NEMF: variants seen among roughly 807,000 people sequenced by gnomAD.
The protein encoded by NEMF is nuclear export mediator factor, also known as ribosome quality control complex subunit NEMF.
NEMF carries 89 observed loss-of-function variants against 162.2 expected under a neutral mutation model. That is an observed-to-expected ratio of 0.55 (90% CI 0.46 to 0.65). NEMF has a LOEUF of 0.65. Among genes scored for constraint, NEMF ranks in the 30% least tolerant of loss-of-function variants. The probability of loss-of-function intolerance (pLI) is 0.00; values close to 1 mark genes in which losing one functional copy is unlikely to be tolerated. For synonymous variants in NEMF, 421 were observed against 404.5 expected (o/e 1.04, Z -0.49); for missense variants, 1,133 against 1,261.9 (o/e 0.90, Z 1.55).
intron 14 of NEMF, 96 bp from the exon 15 acceptor site, chr14:49,828,450 C>T (rs1892470296): frequency 1.0e-6 from 1 of 980,056 alleles, no homozygotes; most frequent in Non-Finnish European, 1.5e-6. Context: ...TTATACAGAA[C>T]AAATCAGAAC....
In NEMF at chr14:49,831,330, C is replaced by T. The variant is rs766434258; in HGVS notation, c.914G>A (p.Gly305Asp). 28 of 1,602,704 alleles carry T rather than the reference C, an allele frequency of 1.7e-5. No individual in the cohort carries two copies. The Admixed American group carries it at 4.7e-4, about 27-fold the overall frequency. The change falls in exon 11 of 33, where the codon GGC becomes GAC. Residue 305 changes from glycine to aspartate, a missense_variant. Around this residue, in one of 3 missense-constraint regions of NEMF, gnomAD observed 582 missense variants for 631.5 expected, o/e 0.92. Coordinates refer to ENST00000298310, the MANE Select transcript of NEMF (RefSeq NM_004713.6). ...TAAAGCTTTTAAGTCAATTTTCTGG[C>T]CTTCTATCTTGGAATAAAATTCATC... The part of the protein sequence containing the change: ...AVDEFYSKIE[G>D]QKIDLKALQQ...
intron 19 of NEMF, among the ~76,000 whole-genome samples, chr14:49,803,971 C>T (rs1445501660): frequency 6.6e-6 from 1 of 151,086 alleles, no homozygotes; most frequent in Non-Finnish European, 1.5e-5. Context: ...AAATAAAATC[C>T]TTGTCTAAGA....
At chr14:49,824,998 A>G (rs569884196) in intron 16 of NEMF, among the ~76,000 whole-genome samples, 1 of 152,366 alleles carries the variant, frequency 6.6e-6, no homozygotes, top group East Asian at 1.9e-4. Context: ...TACTGATTGA[A>G]TTCCAATGTG....
At chr14:49,789,103 A>T (rs779926377) in intron 28 of NEMF, 43 bp downstream of exon 28, 1 of 1,519,042 alleles carries the variant, frequency 6.6e-7, no homozygotes, top group South Asian at 1.1e-5. Context: ...CAGGATGGGT[A>T]ATCACCCTAA....
chr14:49,843,622 C>A (rs1893323790), intron 4 of NEMF, among the ~76,000 whole-genome samples: 1 of 152,236 alleles, frequency 6.6e-6, no homozygotes, highest in Admixed American at 6.5e-5. Flanking sequence ...AGTATACTTA[C>A]ACAAACCTAG....
chr14:49,782,831 C>G lies in NEMF; in HGVS notation c.*1805G>C. ...TTCTCTTTCCTTGTCCACTTTCAGG[C>G]TAAGCTTAGAAGCAGTCATTTGCTT... On this transcript the variant is annotated 3_prime_UTR_variant, in exon 33 of 33. Coordinates refer to ENST00000298310, the MANE Select transcript of NEMF (RefSeq NM_004713.6). The G allele has an allele frequency of 6.2e-7, 1 of 1,611,994 alleles. No individual in the cohort carries two copies. Among genetic ancestry groups the G allele is most frequent in the South Asian group, 1.1e-5 (1 of 90,450 alleles).
At chr14:49,832,719 A>G (rs1291205635) in intron 8 of NEMF, among the ~76,000 whole-genome samples, 1 of 152,208 alleles carries the variant, frequency 6.6e-6, no homozygotes, top group Admixed American at 6.5e-5. Flanking sequence ...TTCTATAAAT[A>G]GTTATGCTTT....
intron 16 of NEMF, chr14:49,820,549 A>C (rs1029914483): frequency 2.2e-6 from 1 of 454,926 alleles, no homozygotes; most frequent in Non-Finnish European, 4.4e-6. Flanking sequence ...AGGGTGGATC[A>C]CTTGAGGTCA....
intron 8 of NEMF, among the ~76,000 whole-genome samples, chr14:49,833,046 A>C (rs982143289): frequency 6.6e-6 from 1 of 152,178 alleles, no homozygotes; most frequent in Non-Finnish European, 1.5e-5. Context: ...CAGGCGGATC[A>C]CTTGAGGTCA....
At position 49,795,802 on chromosome 14, in the gene NEMF, GT is replaced by G; in HGVS notation, c.2607del (p.Lys869AsnfsTer8). The part of the protein sequence containing the change: ...SKNVAAVQPM[K>X]RGQKSKMKKM... Reference sequence around the variant, plus strand: ...ATCCTGAAGTTTACCTTTTGTCCTCGTTTCATTGGCTGCACAGCCGCAACAT... The same window carrying G: ...ATCCTGAAGTTTACCTTTTGTCCTCGTTCATTGGCTGCACAGCCGCAACAT... On this transcript the variant is annotated frameshift_variant, in exon 26 of 33. Transcript: ENST00000298310. LOFTEE classifies it high-confidence loss of function. The G allele has an allele frequency of 6.2e-7, 1 of 1,610,304 alleles. No homozygotes were observed. The highest frequency in any genetic ancestry group is 1.1e-5 in the South Asian group (1 of 90,054).
At chr14:49,824,930 A>T (rs1376819750) in intron 16 of NEMF, among the ~76,000 whole-genome samples, 1 of 152,250 alleles carries the variant, frequency 6.6e-6, no homozygotes, top group Non-Finnish European at 1.5e-5. Flanking sequence ...GAGAGAACCA[A>T]TATAAAATTA....
Position 49,851,992 on chromosome 14 carries a change from G to A in NEMF, c.60-117C>T, listed in dbSNP as rs1233044928. 23 of 630,420 alleles carry A rather than the reference G, an allele frequency of 3.6e-5. No homozygotes were observed. In the Admixed American group the frequency reaches 7.8e-4, roughly 21 times the overall value. The allele number at this position is 630,420 out of a possible 1,614,324, so 39.1% of individuals were successfully genotyped here. ...CTCAGTCTCTAAGGATATGGAGTCAGCCGAGGAGCAGAGTCTGAAAGCCAT... is the reference window on the plus strand; with the variant it reads ...CTCAGTCTCTAAGGATATGGAGTCAACCGAGGAGCAGAGTCTGAAAGCCAT... On this transcript the variant is annotated intron_variant, in intron 1 of 32. Transcript: ENST00000298310.
chr14:49,845,867 A>G, intron 4 of NEMF: 1 of 486,460 alleles, frequency 2.1e-6, no homozygotes, highest in East Asian at 3.2e-5. Context: ...TTAGTCCTGA[A>G]ATGTCAAGTA....
chr14:49,822,181 A>AAC (rs1892100127), intron 16 of NEMF, among the ~76,000 whole-genome samples: 1 of 152,006 alleles, frequency 6.6e-6, no homozygotes, highest in African/African-American at 2.4e-5. Flanking sequence ...CTGCCTAGGA[A>AAC]AACCAGAGAC....
At chr14:49,800,840 T>TACTC in intron 22 of NEMF, 144 bp from the exon 23 acceptor site, 1 of 704,776 alleles carries the variant, frequency 1.4e-6, no homozygotes, top group South Asian at 1.9e-5. Flanking sequence ...TCCCAAAGGG[T>TACTC]ACTCTTAGAC....
intron 28 of NEMF, among the ~76,000 whole-genome samples, chr14:49,788,636 C>T (rs1377046073): frequency 2.0e-5 from 3 of 149,192 alleles, no homozygotes; most frequent in Non-Finnish European, 3.0e-5. Context: ...CGGCTCACTG[C>T]AAGCTCTGCC....
chr14:49,834,182 C>A, intron 7 of NEMF, 181 bp downstream of exon 7: 1 of 593,670 alleles, frequency 1.7e-6, no homozygotes, highest in South Asian at 1.8e-5. Context: ...CCTCAAACAC[C>A]CAGGCTTAAG....
At chr14:49,847,016 G>A (rs1893536200) in intron 3 of NEMF, among the ~76,000 whole-genome samples, 1 of 151,902 alleles carries the variant, frequency 6.6e-6, no homozygotes, top group African/African-American at 2.4e-5. Context: ...CTCCTGAGTA[G>A]CTGAAATTAC....
intron 25 of NEMF, chr14:49,797,332 TA>T (rs749900237): frequency 5.6e-3 from 776 of 138,914 alleles, no homozygotes; most frequent in Admixed American, 7.8e-3. Context: ...GACCTGCTAT[TA>T]AAAAAAAAAA....
Sources: gnomAD v4.1 joint callset for allele counts (sites outside exome capture counted in the v4.1 genomes callset) on GRCh38, gnomAD v4.1.1 for gene constraint, gnomAD v4.1.1 regional missense constraint, MANE v1.5 for transcripts, NCBI Gene and HGNC (gene_info 2026-07-23, HGNC 2026-07-21) for gene names.